Variants in UPK2 observed in about 807,000 individuals in gnomAD.
UPK2 encodes uroplakin-2.
In UPK2, 19 loss-of-function variants were observed where a neutral mutation model predicts 14.8. That is an observed-to-expected ratio of 1.29 (90% CI 0.90 to 1.89). The LOEUF (loss-of-function observed/expected upper bound fraction) is 1.89. UPK2 is among the 40% of genes most tolerant of loss of function. UPK2 has a pLI of 0.00. For synonymous variants in UPK2, 102 were observed against 101.6 expected (o/e 1.00, Z -0.02); for missense variants, 232 against 236.0 (o/e 0.98, Z 0.11).
chr11:118,957,758 G>A, intron 4 of UPK2, 90 bp downstream of exon 4: 2 of 1,492,998 alleles, frequency 1.3e-6, no homozygotes, highest in Non-Finnish European at 1.8e-6. Context: ...TGGGTTGCCT[G>A]TGCCTCCCCG....
Position 118,958,535 on chromosome 11 carries a change from A to C in UPK2, c.*302A>C. The C allele has an allele frequency of 1.3e-5, 4 of 306,558 alleles. No homozygotes were observed. The highest frequency in any genetic ancestry group is 5.6e-5 in the East Asian group (1 of 17,974). The allele number at this position is 306,558 out of a possible 1,614,324, so 19.0% of individuals were successfully genotyped here. A position where few individuals can be genotyped will look rare whatever the true frequency, so the allele number is the denominator to read the frequency against. ...TCCTTCAGTGAACTAAGTCCCTATA[A>C]TAAAGGCTGAGGCTGCATCTGCCAC... On this transcript the variant is annotated 3_prime_UTR_variant, in exon 5 of 5. Transcript: ENST00000264031. The surrounding 1 kb of genome is among the most constrained non-coding windows in gnomAD (Gnocchi z 4.6).
chr11:118,958,160 T>C lies in UPK2; in HGVS notation c.482T>C (p.Val161Ala). The C allele has an allele frequency of 6.2e-7, 1 of 1,614,042 alleles. No individual in the cohort carries two copies. Among genetic ancestry groups the C allele is most frequent in the Non-Finnish European group, 8.5e-7 (1 of 1,179,964 alleles). ...ARTGGMVVIT[V>A]LLSVAMFLLV... ...ACAGGGGGCATGGTGGTCATCACGGTGCTGCTCTCTGTCGCCATGTTCCTG... is the reference window on the plus strand; with the variant it reads ...ACAGGGGGCATGGTGGTCATCACGGCGCTGCTCTCTGTCGCCATGTTCCTG... The change falls in exon 5 of 5, where the codon GTG becomes GCG. Residue 161 changes from valine (V) to alanine (A), a missense_variant. Coordinates refer to ENST00000264031, the MANE Select transcript of UPK2 (RefSeq NM_006760.4). The surrounding 1 kb of genome is among the most constrained non-coding windows in gnomAD (Gnocchi z 4.6).
At position 118,957,207 on chromosome 11, in the gene UPK2, G is replaced by C. The variant is rs77809657; in HGVS notation, c.209-1G>C. On this transcript the variant is annotated splice_acceptor_variant, in intron 2 of 4. Transcript: ENST00000264031. LOFTEE classifies it high-confidence loss of function. ...CTTCCCCTCCCGCCACTTCTGCCCA[G>C]TGGTGACGTCCAGCTTTGTGGTGCC... is the stretch of plus-strand genomic sequence containing the variant. The C allele has an allele frequency of 6.2e-7, 1 of 1,614,070 alleles. No individual in the cohort carries two copies. The highest frequency in any genetic ancestry group is 8.5e-7 in the Non-Finnish European group (1 of 1,179,968).
Position 118,958,536 on chromosome 11 carries a change from T to G in UPK2, c.*303T>G. The G allele has an allele frequency of 3.3e-6, 1 of 306,368 alleles. No individual in the cohort carries two copies. The highest frequency in any genetic ancestry group is 6.1e-6 in the Non-Finnish European group (1 of 162,650). The allele number at this position is 306,368 out of a possible 1,614,324, so 19.0% of individuals were successfully genotyped here. A position where few individuals can be genotyped will look rare whatever the true frequency, so the allele number is the denominator to read the frequency against. ...CCTTCAGTGAACTAAGTCCCTATAATAAAGGCTGAGGCTGCATCTGCCACA... is the reference window on the plus strand; with the variant it reads ...CCTTCAGTGAACTAAGTCCCTATAAGAAAGGCTGAGGCTGCATCTGCCACA... On this transcript the variant is annotated 3_prime_UTR_variant, in exon 5 of 5. Coordinates refer to ENST00000264031, the MANE Select transcript of UPK2 (RefSeq NM_006760.4). The surrounding 1 kb of genome is among the most constrained non-coding windows in gnomAD (Gnocchi z 4.6).
Position 118,958,037 on chromosome 11 carries a change from G to A in UPK2, c.419-60G>A. 3 of 1,557,800 alleles carry A rather than the reference G, an allele frequency of 1.9e-6. No homozygotes were observed. Among genetic ancestry groups the A allele is most frequent in the Non-Finnish European group, 2.6e-6 (3 of 1,147,284 alleles). On this transcript the variant is annotated intron_variant, in intron 4 of 4. Transcript: ENST00000264031. This position sits in a 1 kb window ranked among gnomAD's most constrained non-coding sequence, Gnocchi z 4.6. ...GTTGGCTGGATGAGTGTGAGGCCGT[G>A]AGCCTCAGGCAGGCTGGGGGTCTCT... is the stretch of plus-strand genomic sequence containing the variant.
rs1395536218 is a variant in UPK2 at position 118,957,679 on chromosome 11, C to T, written c.418+11C>T. ...TGTCCACACTCCCTCGTAAGTAACA[C>T]TCCCGCCTCCCTTTCCCATCTCAGC... is the stretch of plus-strand genomic sequence containing the variant. On this transcript the variant is annotated intron_variant, in intron 4 of 4. Transcript: ENST00000264031. The T allele has an allele frequency of 1.2e-6, 2 of 1,613,920 alleles. No individual in the cohort carries two copies. Among genetic ancestry groups the T allele is most frequent in the South Asian group, 1.1e-5 (1 of 91,076 alleles).
Position 118,956,935 on chromosome 11 carries a change from C to G in UPK2, c.129C>G (p.Ser43Arg), listed in dbSNP as rs1357810256. The change falls in exon 2 of 5, where the codon AGC becomes AGG. Residue 43 changes from serine to arginine, a missense_variant. Physicochemically the swap from Ser to Arg is moderately radical, Grantham distance 110. Coordinates refer to ENST00000264031, the MANE Select transcript of UPK2 (RefSeq NM_006760.4). The surrounding 1 kb of genome is among the most constrained non-coding windows in gnomAD (Gnocchi z 4.1). Reference sequence around the variant, plus strand: ...TGCTGTCCCCGGCGCTAACGGAGAGCCTGCTGGTTGCCTTGCCCCCCTGTC... The same window carrying G: ...TGCTGTCCCCGGCGCTAACGGAGAGGCTGCTGGTTGCCTTGCCCCCCTGTC... ...SGLLSPALTE[S>R]LLVALPPCHL... 1.9e-6 allele frequency: 3 copies of G among 1,613,986 alleles called. No homozygotes were observed. In the African/African-American group the frequency reaches 4.0e-5, roughly 22 times the overall value.
In UPK2 at chr11:118,957,607, C is replaced by T; in HGVS notation, c.357C>T (p.Tyr119=). 6.2e-7 allele frequency: 1 copy of T among 1,614,176 alleles called. No homozygotes were observed. Among genetic ancestry groups the T allele is most frequent in the Non-Finnish European group, 8.5e-7 (1 of 1,180,028 alleles). ...LVPGTKFYIS[Y]LVKKGTATES... ...TCCCAAACCACAAAAGCATTTCCTA[C>T]CTAGTGAAGAAGGGGACAGCCACTG... The change falls in exon 4 of 5, where the codon TAC becomes TAT. Residue 119 remains tyrosine, a synonymous_variant. Coordinates refer to ENST00000264031, the MANE Select transcript of UPK2 (RefSeq NM_006760.4).
At chr11:118,957,425 T>C in intron 3 of UPK2, 79 bp downstream of exon 3, 2 of 1,584,338 alleles carry the variant, frequency 1.3e-6, no homozygotes, top group Non-Finnish European at 1.7e-6. Context: ...GGAGATCTGG[T>C]GGGCATGAGG....
intron 4 of UPK2, 70 bp downstream of exon 4, chr11:118,957,738 A>AT: frequency 1.9e-6 from 3 of 1,585,088 alleles, no homozygotes; most frequent in Non-Finnish European, 2.6e-6. Flanking sequence ...TTCCTGCCTC[A>AT]TCCCCAGTCT....
chr11:118,957,578 T>G lies in UPK2; in HGVS notation c.348-20T>G. On this transcript the variant is annotated intron_variant, in intron 3 of 4. Coordinates refer to ENST00000264031, the MANE Select transcript of UPK2 (RefSeq NM_006760.4). The stretch of plus-strand genomic sequence containing the variant: ...CCAATACTCACTGAGGGTTCTCTAC[T>G]CTCTCCCAAACCACAAAAGCATTTC... The G allele has an allele frequency of 6.2e-7, 1 of 1,613,952 alleles. No individual in the cohort carries two copies. The highest frequency in any genetic ancestry group is 8.5e-7 in the Non-Finnish European group (1 of 1,179,892).
Position 118,956,807 on chromosome 11 carries a change from C to T in UPK2, c.77-76C>T, listed in dbSNP as rs1941565838. On this transcript the variant is annotated intron_variant, in intron 1 of 4. Transcript: ENST00000264031. This position sits in a 1 kb window ranked among gnomAD's most constrained non-coding sequence, Gnocchi z 4.1. ...GTTCACAGAGTGGAAAGGGAGATGG[C>T]TCCAATGGGACCGGGCCAGATCTGT... is the stretch of plus-strand genomic sequence containing the variant. 2.5e-6 allele frequency: 4 copies of T among 1,584,414 alleles called. No homozygotes were observed. Among genetic ancestry groups the T allele is most frequent in the Admixed American group, 3.4e-5 (2 of 58,496 alleles).
chr11:118,957,198 T>C lies in UPK2; in HGVS notation c.209-10T>C. The C allele has an allele frequency of 6.2e-7, 1 of 1,614,084 alleles. No homozygotes were observed. ...TGACCCAGTCTTCCCCTCCCGCCAC[T>C]TCTGCCCAGTGGTGACGTCCAGCTT... On this transcript the variant is annotated splice_polypyrimidine_tract_variant and intron_variant, in intron 2 of 4. Transcript: ENST00000264031.
intron 2 of UPK2, 84 bp downstream of exon 2, chr11:118,957,098 G>A: frequency 6.2e-7 from 1 of 1,605,788 alleles, no homozygotes; most frequent in Non-Finnish European, 8.5e-7. Context: ...CCCCATTCAT[G>A]CCTTCCTGTC....
rs370549033 is a variant in UPK2, at chr11:118,956,849, G to A, written c.77-34G>A. The stretch of plus-strand genomic sequence containing the variant: ...CAGATCTGTTGGCCAGGAGGGGTCA[G>A]TCCCCATCGGAGCTCCCTCCTGCCT... On this transcript the variant is annotated intron_variant, in intron 1 of 4. Transcript: ENST00000264031. The surrounding 1 kb of genome is among the most constrained non-coding windows in gnomAD (Gnocchi z 4.1). 2 of 1,613,012 alleles carry A rather than the reference G, an allele frequency of 1.2e-6. No individual in the cohort carries two copies. Among genetic ancestry groups the A allele is most frequent in the African/African-American group, 2.7e-5 (2 of 75,022 alleles).
rs1052061544 is a variant in UPK2, at chr11:118,958,369, G to A, written c.*136G>A. On this transcript the variant is annotated 3_prime_UTR_variant, in exon 5 of 5. Coordinates refer to ENST00000264031, the MANE Select transcript of UPK2 (RefSeq NM_006760.4). The surrounding 1 kb of genome is among the most constrained non-coding windows in gnomAD (Gnocchi z 4.6). ...CCTCCTCCTGCCCTCCTCTCCCCTA[G>A]AGCCCTCTCCTCCCTCTGTCCCTCT... The A allele has an allele frequency of 2.9e-5, 29 of 1,014,584 alleles. No homozygotes were observed. Among genetic ancestry groups the A allele is most frequent in the Non-Finnish European group, 3.8e-5 (27 of 714,976 alleles). The allele number at this position is 1,014,584 out of a possible 1,614,324, so 62.8% of individuals were successfully genotyped here.
In UPK2 at chr11:118,956,665, C is replaced by T. The variant is rs1048373246; in HGVS notation, c.77-218C>T. Among the ~76,000 whole-genome samples, 4 of 152,090 alleles carry T rather than the reference C, an allele frequency of 2.6e-5. No individual in the cohort carries two copies. Among genetic ancestry groups the T allele is most frequent in the African/African-American group, 9.7e-5 (4 of 41,400 alleles). ...GGGAGGGGTGAGGTTGGGCGCTGCCCGACTCCTGGCATCCAGGTTCTGGCT... is the reference window on the plus strand; with the variant it reads ...GGGAGGGGTGAGGTTGGGCGCTGCCTGACTCCTGGCATCCAGGTTCTGGCT... On this transcript the variant is annotated intron_variant, in intron 1 of 4. Transcript: ENST00000264031. This position sits in a 1 kb window ranked among gnomAD's most constrained non-coding sequence, Gnocchi z 4.1.
In UPK2 at chr11:118,956,450, T is replaced by C; in HGVS notation, c.76+24T>C. The C allele has an allele frequency of 6.4e-7, 1 of 1,562,226 alleles. No individual in the cohort carries two copies. The highest frequency in any genetic ancestry group is 8.8e-7 in the Non-Finnish European group (1 of 1,142,406). ...AGGTCTCTTCCATCTCTGGCAGGGG[T>C]GGGAAGGGGGCTGGGGGCCTGGACA... is the stretch of plus-strand genomic sequence containing the variant. On this transcript the variant is annotated intron_variant, in intron 1 of 4. Coordinates refer to ENST00000264031, the MANE Select transcript of UPK2 (RefSeq NM_006760.4). This position sits in a 1 kb window ranked among gnomAD's most constrained non-coding sequence, Gnocchi z 4.1.
At chr11:118,957,961 T>TTGGTTGGC (rs1182898062) in intron 4 of UPK2, 136 bp from the exon 5 acceptor site, 29 of 1,289,210 alleles carry the variant, frequency 2.2e-5, no homozygotes, top group Non-Finnish European at 3.0e-5. Flanking sequence ...GGTTGGTTGG[T>TTGGTTGGC]TGGTTGGCTG....
Sources: gnomAD v4.1 joint callset for allele counts (sites outside exome capture counted in the v4.1 genomes callset) on GRCh38, gnomAD v4.1.1 for gene constraint, Gnocchi (gnomAD v3.1) non-coding constraint, MANE v1.5 for transcripts, NCBI Gene and HGNC (gene_info 2026-07-23, HGNC 2026-07-21) for gene names.